CDH22: variants seen among roughly 807,000 people sequenced by gnomAD.
CDH22 encodes cadherin-22.
In CDH22, 30 loss-of-function variants were observed where a neutral mutation model predicts 58.4. The ratio of observed to expected loss-of-function variants is 0.51; its 90% CI spans 0.38 to 0.70. CDH22 has a LOEUF of 0.70. Among genes scored for constraint, CDH22 ranks in the 30% least tolerant of loss-of-function variants. The probability of loss-of-function intolerance (pLI) is 0.00; values close to 1 mark genes in which losing one functional copy is unlikely to be tolerated. For synonymous variants in CDH22, 513 were observed against 558.2 expected, an observed-to-expected ratio of 0.92 and a Z score of 1.14; for missense variants, 1,014 against 1,233.9, an observed-to-expected ratio of 0.82 and a Z score of 2.67.
intron 1 of CDH22, among the ~76,000 whole-genome samples, chr20:46,306,265 T>C (rs1227284848): frequency 6.6e-6 from 1 of 152,256 alleles, no homozygotes; most frequent in Non-Finnish European, 1.5e-5. Flanking sequence ...GAGGCCTGGA[T>C]GTCAAGATGC....
chr20:46,277,235 G>T (rs2086522949), intron 1 of CDH22, among the ~76,000 whole-genome samples: 1 of 152,162 alleles, frequency 6.6e-6, no homozygotes, highest in Admixed American at 6.5e-5. Context: ...TCCCTTTGGG[G>T]TAACTAAACA....
intron 1 of CDH22, among the ~76,000 whole-genome samples, chr20:46,253,155 C>T (rs889759226): frequency 6.6e-6 from 1 of 152,224 alleles, no homozygotes; most frequent in Non-Finnish European, 1.5e-5. Flanking sequence ...AAACGCAGAC[C>T]ACCTTCTTTA....
intron 10 of CDH22, among the ~76,000 whole-genome samples, chr20:46,180,478 A>G (rs1175102422): frequency 1.3e-5 from 2 of 152,194 alleles, no homozygotes; most frequent in Non-Finnish European, 2.9e-5. Context: ...TGCCTTCTGC[A>G]GGGGAAGAAA....
chr20:46,297,832 T>C (rs1360681225), intron 1 of CDH22, among the ~76,000 whole-genome samples: 1 of 152,012 alleles, frequency 6.6e-6, no homozygotes, highest in Non-Finnish European at 1.5e-5. Flanking sequence ...ATCTCCTCCC[T>C]GACCCACTAC....
At chr20:46,202,795 G>C (rs1474286441) in intron 7 of CDH22, among the ~76,000 whole-genome samples, 1 of 152,208 alleles carries the variant, frequency 6.6e-6, no homozygotes, top group South Asian at 2.1e-4. Context: ...GGAGGCTCTT[G>C]AGCATCATCA....
intron 3 of CDH22, among the ~76,000 whole-genome samples, chr20:46,235,224 G>A (rs1001470663): frequency 1.3e-5 from 2 of 152,206 alleles, no homozygotes; most frequent in Non-Finnish European, 2.9e-5. Flanking sequence ...CACAAGATTG[G>A]CATGAATAAG....
At chr20:46,189,161 A>C (rs1568652374) in intron 8 of CDH22, among the ~76,000 whole-genome samples, 1 of 152,202 alleles carries the variant, frequency 6.6e-6, no homozygotes, top group Non-Finnish European at 1.5e-5. Context: ...TAATTAATTC[A>C]GACCCCAGCT....
rs548319576 is a variant in CDH22, at chr20:46,244,088, A to C, written c.256-2831T>G. On this transcript the variant is annotated intron_variant, in intron 2 of 11. Coordinates refer to ENST00000537909, the MANE Select transcript of CDH22 (RefSeq NM_021248.3). ...GAGGATTAGATGAGAGCATGTTTAC[A>C]TTGACCTAAGCACTCTGTTAATGGT... Among the ~76,000 whole-genome samples the C allele has an allele frequency of 1.4e-3, 220 of 152,302 alleles. 2 individuals are homozygous for C. The highest frequency in any genetic ancestry group is 2.5e-3 in the Non-Finnish European group (168 of 68,030).
chr20:46,195,813 C>T (rs111733230), intron 8 of CDH22, among the ~76,000 whole-genome samples: 6,475 of 152,270 alleles, frequency 0.043, 174 homozygotes, highest in Middle Eastern at 0.17. Context: ...AGAGGGGAGC[C>T]GGCATACTAA....
intron 4 of CDH22, among the ~76,000 whole-genome samples, chr20:46,223,807 T>C (rs554418626): frequency 3.3e-5 from 1 of 30,056 alleles, no homozygotes; most frequent in East Asian, 4.4e-4. Context: ...TTCTTCTTCC[T>C]TTCTTCCTTT....
At chr20:46,212,915 G>T in intron 6 of CDH22, 80 bp downstream of exon 6, 1 of 1,142,180 alleles carries the variant, frequency 8.8e-7, no homozygotes, top group African/African-American at 1.5e-5. Flanking sequence ...GTGAGGTGGG[G>T]GTATTCGGCT....
chr20:46,201,340 G>A (rs1023820635), intron 7 of CDH22, among the ~76,000 whole-genome samples: 3 of 152,216 alleles, frequency 2.0e-5, no homozygotes, highest in African/African-American at 7.2e-5. Flanking sequence ...ATTGCCTGCT[G>A]GGGCCCAGAG....
intron 10 of CDH22, among the ~76,000 whole-genome samples, chr20:46,180,015 TG>T (rs2085772962): frequency 1.3e-5 from 2 of 151,160 alleles, no homozygotes; most frequent in African/African-American, 4.9e-5. Context: ...TCCGCTTCCC[TG>T]GGAAGGAAGG....
At chr20:46,238,339 C>T (rs189335000) in intron 3 of CDH22, among the ~76,000 whole-genome samples, 1 of 152,254 alleles carries the variant, frequency 6.6e-6, no homozygotes, top group African/African-American at 2.4e-5. Flanking sequence ...TGACCTTGGA[C>T]ATGTCACTGT....
rs1276379111 is a variant in CDH22, at chr20:46,181,489, A to T, written c.1664-3292T>A. On this transcript the variant is annotated intron_variant, in intron 10 of 11. Coordinates refer to ENST00000537909, the MANE Select transcript of CDH22 (RefSeq NM_021248.3). Reference sequence around the variant, plus strand: ...TTGTGGCTGGAGGAATGAGGGTAATAGCTACAATGAGTCAAGACGAGGCTG... The same window carrying T: ...TTGTGGCTGGAGGAATGAGGGTAATTGCTACAATGAGTCAAGACGAGGCTG... Among the ~76,000 whole-genome samples the T allele has an allele frequency of 3.9e-5, 6 of 152,132 alleles. No homozygotes were observed. The East Asian group carries it at 1.2e-3, about 29-fold the overall frequency.
intron 6 of CDH22, among the ~76,000 whole-genome samples, chr20:46,211,870 T>C (rs1264057177): frequency 1.3e-5 from 2 of 151,506 alleles, no homozygotes; most frequent in Non-Finnish European, 2.9e-5. Flanking sequence ...TGCATGGCCT[T>C]GGGAAAGTTA....
intron 7 of CDH22, among the ~76,000 whole-genome samples, chr20:46,204,474 C>T (rs900358973): frequency 6.7e-6 from 1 of 149,448 alleles, no homozygotes; most frequent in Non-Finnish European, 1.5e-5. Flanking sequence ...GAGGTTCGGA[C>T]AAGTGACTAC....
intron 7 of CDH22, among the ~76,000 whole-genome samples, chr20:46,203,025 GCTC>G (rs1164214493): frequency 7.2e-5 from 11 of 152,108 alleles, no homozygotes; most frequent in African/African-American, 1.2e-4. Flanking sequence ...TGCTGCTGCT[GCTC>G]CTCCTCCTCC....
chr20:46,230,443 G>A (rs2086212936), intron 3 of CDH22, among the ~76,000 whole-genome samples: 1 of 152,058 alleles, frequency 6.6e-6, no homozygotes, highest in African/African-American at 2.4e-5. Context: ...ATCAACATGT[G>A]GCTCTCGTGA....
Sources: allele counts gnomAD v4.1 joint callset (sites outside exome capture counted in the v4.1 genomes callset), GRCh38; gene constraint gnomAD v4.1.1; transcripts MANE v1.5; gene names NCBI Gene and HGNC (gene_info 2026-07-23, HGNC 2026-07-21).